SORCS2: variants seen among roughly 807,000 people sequenced by gnomAD.
SORCS2 encodes the protein VPS10 domain-containing receptor SorCS2.
SORCS2 carries 100 observed loss-of-function variants against 141.6 expected under a neutral mutation model. The ratio of observed to expected loss-of-function variants is 0.71; its 90% CI spans 0.60 to 0.83. The LOEUF (loss-of-function observed/expected upper bound fraction) is 0.83, where lower values mean the gene tolerates loss of function less well. SORCS2 is among the 40% of genes least tolerant of loss of function. The probability of loss-of-function intolerance (pLI) is 0.00; values close to 1 mark genes in which losing one functional copy is unlikely to be tolerated. For missense variants in SORCS2, 1,646 were observed against 1,560.2 expected (o/e 1.05, Z -0.93); for synonymous variants, 789 against 676.9 (o/e 1.17, Z -2.57).
intron 1 of SORCS2, among the ~76,000 whole-genome samples, chr4:7,197,574 G>A (rs979268844): frequency 1.6e-4 from 24 of 152,208 alleles, no homozygotes; most frequent in Non-Finnish European, 2.9e-5. Flanking sequence ...GAGTGTATAG[G>A]AGATGGAGAA....
At chr4:7,550,138 G>C (rs77200132) in intron 3 of SORCS2, among the ~76,000 whole-genome samples, 1 of 24,294 alleles carries the variant, frequency 4.1e-5, no homozygotes, top group Non-Finnish European at 1.8e-4. Context: ...GTGTATGTGT[G>C]TGTGTGTGTG....
chr4:7,615,877 TAAAC>T (rs1238101119), intron 3 of SORCS2, among the ~76,000 whole-genome samples: 1 of 152,212 alleles, frequency 6.6e-6, no homozygotes, highest in African/African-American at 2.4e-5. Flanking sequence ...GCTGCCAGCT[TAAAC>T]AAAGAACTTT....
At chr4:7,515,143 AC>A (rs1732892928) in intron 2 of SORCS2, among the ~76,000 whole-genome samples, 1 of 152,036 alleles carries the variant, frequency 6.6e-6, no homozygotes, top group Non-Finnish European at 1.5e-5. Flanking sequence ...CCTGCCTCTC[AC>A]CCTGGAGATA....
At chr4:7,240,948 T>A (rs574133150) in intron 1 of SORCS2, among the ~76,000 whole-genome samples, 6 of 152,308 alleles carry the variant, frequency 3.9e-5, no homozygotes, top group East Asian at 3.9e-4. Context: ...TATTATTATT[T>A]TTTGAGGCAG....
At chr4:7,679,210 C>G (rs993518316) in intron 9 of SORCS2, among the ~76,000 whole-genome samples, 1 of 152,128 alleles carries the variant, frequency 6.6e-6, no homozygotes, top group Non-Finnish European at 1.5e-5. Context: ...AGGGCACAAC[C>G]CAGGTGTGAG....
At chr4:7,669,419 G>A (rs928923856) in intron 8 of SORCS2, among the ~76,000 whole-genome samples, 1 of 152,052 alleles carries the variant, frequency 6.6e-6, no homozygotes, top group Non-Finnish European at 1.5e-5. Context: ...GAGCCCTACG[G>A]GGTCTTCAAT....
chr4:7,627,148 G>T (rs1719563731), intron 3 of SORCS2, among the ~76,000 whole-genome samples: 1 of 152,040 alleles, frequency 6.6e-6, no homozygotes, highest in Non-Finnish European at 1.5e-5. Flanking sequence ...ACCAAGCCCG[G>T]CTAATTTTTC....
Position 7,663,970 on chromosome 4 carries a change from G to C in SORCS2, c.953-383G>C, listed in dbSNP as rs1323773864. On this transcript the variant is annotated intron_variant, in intron 6 of 26. Coordinates refer to ENST00000507866, the MANE Select transcript of SORCS2 (RefSeq NM_020777.3). This position sits in a 1 kb window ranked among gnomAD's most constrained non-coding sequence, Gnocchi z 4.8. ...TAGAAGCAGTTGCTTAAAATTTGGG[G>C]GAAAAGAACCCTTGAGCCCCACCCG... Among the ~76,000 whole-genome samples the C allele has an allele frequency of 6.6e-6, 1 of 152,176 alleles. No homozygotes were observed. The highest frequency in any genetic ancestry group is 1.5e-5 in the Non-Finnish European group (1 of 68,042).
chr4:7,356,365 G>A lies in SORCS2; in HGVS notation c.481-39923G>A, dbSNP rs117436186. On this transcript the variant is annotated intron_variant, in intron 1 of 26. Transcript: ENST00000507866. Reference sequence around the variant, plus strand: ...CAGACATATGTTTGGGGGCTGGGAAGTCCAAGGTCAAGGCTCTGGCTGAGT... The same window carrying A: ...CAGACATATGTTTGGGGGCTGGGAAATCCAAGGTCAAGGCTCTGGCTGAGT... Among the ~76,000 whole-genome samples, 33 of 152,370 alleles carry A rather than the reference G, an allele frequency of 2.2e-4. No individual in the cohort carries two copies. In the East Asian group the frequency reaches 4.6e-3, roughly 21 times the overall value.
At chr4:7,665,717 C>A (rs4689816) in intron 7 of SORCS2, among the ~76,000 whole-genome samples, 2 of 152,068 alleles carry the variant, frequency 1.3e-5, no homozygotes, top group African/African-American at 4.8e-5. Context: ...CTGAACCCCC[C>A]ACCTGCTTTC....
chr4:7,200,848 A>G (rs1035136656), intron 1 of SORCS2, among the ~76,000 whole-genome samples: 2 of 152,210 alleles, frequency 1.3e-5, no homozygotes, highest in Non-Finnish European at 2.9e-5. Context: ...CAGCAGAGCC[A>G]CCAATGTCCT....
chr4:7,291,216 C>T (rs966988561), intron 1 of SORCS2, among the ~76,000 whole-genome samples: 1 of 152,124 alleles, frequency 6.6e-6, no homozygotes, highest in Non-Finnish European at 1.5e-5. Flanking sequence ...GCTGAGGCCA[C>T]ATAGCAGGTG....
At chr4:7,430,960 G>A (rs558886566) in intron 2 of SORCS2, 23 of 152,486 alleles carry the variant, frequency 1.5e-4, no homozygotes, top group African/African-American at 4.8e-4. Flanking sequence ...AGACCCCAAG[G>A]CAGCCACTCC....
At chr4:7,546,902 A>G (rs1173273682) in intron 3 of SORCS2, among the ~76,000 whole-genome samples, 1 of 152,246 alleles carries the variant, frequency 6.6e-6, no homozygotes, top group Non-Finnish European at 1.5e-5. Flanking sequence ...ACTCTTAGAA[A>G]GCCCGAAAGA....
chr4:7,241,928 G>A (rs1362059162), intron 1 of SORCS2, among the ~76,000 whole-genome samples: 1 of 152,224 alleles, frequency 6.6e-6, no homozygotes, highest in Non-Finnish European at 1.5e-5. Context: ...CTGGCAGTGG[G>A]AGTGCAGGGA....
chr4:7,709,779 T>A (rs985090331), intron 14 of SORCS2, among the ~76,000 whole-genome samples: 2 of 152,174 alleles, frequency 1.3e-5, no homozygotes, highest in Admixed American at 6.5e-5. Flanking sequence ...TGGGACACTT[T>A]CCTGGCACCA....
At chr4:7,224,663 C>A (rs930213045) in intron 1 of SORCS2, among the ~76,000 whole-genome samples, 2 of 152,234 alleles carry the variant, frequency 1.3e-5, no homozygotes, top group Admixed American at 1.3e-4. Flanking sequence ...GACCTCCCCC[C>A]AGGCCCCACC....
chr4:7,503,558 CTA>C (rs970031539), intron 2 of SORCS2, among the ~76,000 whole-genome samples: 41 of 152,166 alleles, frequency 2.7e-4, no homozygotes, highest in African/African-American at 9.4e-4. Context: ...CTGGAGATCT[CTA>C]TGCAGACGGA....
intron 3 of SORCS2, among the ~76,000 whole-genome samples, chr4:7,579,014 A>T (rs1285344009): frequency 6.6e-6 from 1 of 152,068 alleles, no homozygotes; most frequent in African/African-American, 2.4e-5. Flanking sequence ...ACAGACTGGG[A>T]TGTGTGAATG....
Sources: gnomAD v4.1 joint callset for allele counts (sites outside exome capture counted in the v4.1 genomes callset) on GRCh38, gnomAD v4.1.1 for gene constraint, Gnocchi (gnomAD v3.1) non-coding constraint, MANE v1.5 for transcripts, NCBI Gene and HGNC (gene_info 2026-07-23, HGNC 2026-07-21) for gene names.